Variants in ARHGAP12 observed in about 807,000 individuals in gnomAD.
ARHGAP12 encodes the protein rho GTPase-activating protein 12.
ARHGAP12 carries 64 observed loss-of-function variants against 108.6 expected under a neutral mutation model. The ratio of observed to expected loss-of-function variants is 0.59; its 90% CI spans 0.48 to 0.73. ARHGAP12 has a LOEUF of 0.73. Among genes scored for constraint, ARHGAP12 ranks in the 30% least tolerant of loss-of-function variants. ARHGAP12 has a pLI of 0.00. For missense variants in ARHGAP12, 940 were observed against 1,005.9 expected (o/e 0.93, Z 0.89); for synonymous variants, 312 against 337.2 (o/e 0.93, Z 0.82).
intron 7 of ARHGAP12, among the ~76,000 whole-genome samples, chr10:31,842,471 T>G (rs1381896084): frequency 6.6e-6 from 1 of 152,110 alleles, no homozygotes; most frequent in Admixed American, 6.6e-5. Context: ...TAGAAACTGG[T>G]CTGTTACTTT....
chr10:31,810,976 C>T (rs563774892), intron 15 of ARHGAP12, among the ~76,000 whole-genome samples: 5 of 152,192 alleles, frequency 3.3e-5, no homozygotes, highest in Admixed American at 2.0e-4. Flanking sequence ...TTTGTACTTT[C>T]TACTGCTTTT....
chr10:31,809,432 T>C, intron 16 of ARHGAP12, 125 bp from the exon 17 acceptor site: 1 of 830,240 alleles, frequency 1.2e-6, no homozygotes. Context: ...GGGCAAATAT[T>C]CTTTTTCTCT....
chr10:31,808,645 C>T lies in ARHGAP12; in HGVS notation c.2366+4G>A, dbSNP rs775764085. ...CACATCCCATGACTGGGCAGTCCTC[C>T]TACCTTCTGAGATGTCGGAAAAGAA... On this transcript the variant is annotated splice_donor_region_variant and intron_variant, in intron 19 of 19. Coordinates refer to ENST00000344936, the MANE Select transcript of ARHGAP12 (RefSeq NM_018287.7). 5.6e-6 allele frequency: 9 copies of T among 1,613,184 alleles called. No homozygotes were observed. The highest frequency in any genetic ancestry group is 5.0e-5 in the Admixed American group (3 of 59,980).
intron 9 of ARHGAP12, among the ~76,000 whole-genome samples, chr10:31,838,507 C>A (rs1836114615): frequency 6.6e-6 from 1 of 151,910 alleles, no homozygotes; most frequent in South Asian, 2.1e-4. Flanking sequence ...CAAAGCAAGA[C>A]CCCTTATCTC....
chr10:31,878,615 G>A (rs962363940), intron 3 of ARHGAP12, among the ~76,000 whole-genome samples: 1 of 152,208 alleles, frequency 6.6e-6, no homozygotes, highest in Non-Finnish European at 1.5e-5. Flanking sequence ...ATAGGGATAA[G>A]CAAACTATGG....
chr10:31,896,696 A>C (rs1159524528), intron 3 of ARHGAP12, among the ~76,000 whole-genome samples: 1 of 152,212 alleles, frequency 6.6e-6, no homozygotes, highest in Non-Finnish European at 1.5e-5. Context: ...TCAGTGAGTG[A>C]GTTAGGCAAG....
intron 9 of ARHGAP12, among the ~76,000 whole-genome samples, chr10:31,836,249 T>TA (rs968034821): frequency 5.3e-5 from 8 of 152,172 alleles, no homozygotes; most frequent in Admixed American, 1.3e-4. Flanking sequence ...ATGCATATTC[T>TA]AAAACTTTAC....
At chr10:31,853,434 C>T (rs577065618) in intron 5 of ARHGAP12, among the ~76,000 whole-genome samples, 1 of 152,194 alleles carries the variant, frequency 6.6e-6, no homozygotes, top group African/African-American at 2.4e-5. Flanking sequence ...ATTGCTAATA[C>T]AAACACATGA....
intron 3 of ARHGAP12, among the ~76,000 whole-genome samples, chr10:31,862,705 G>GACACACACAGAC (rs1554781362): frequency 6.0e-5 from 8 of 133,186 alleles, no homozygotes; most frequent in African/African-American, 2.3e-4. Context: ...TGCACACACA[G>GACACACACAGAC]ACACACACAC....
intron 4 of ARHGAP12, among the ~76,000 whole-genome samples, chr10:31,855,121 G>A (rs1259296400): frequency 4.0e-5 from 4 of 98,924 alleles, no homozygotes; most frequent in African/African-American, 1.6e-4. Context: ...GGAGAGGAAG[G>A]GAGGGGGAGA....
chr10:31,879,060 T>C (rs1235663370), intron 3 of ARHGAP12, among the ~76,000 whole-genome samples: 1 of 152,222 alleles, frequency 6.6e-6, no homozygotes, highest in Non-Finnish European at 1.5e-5. Context: ...CACTTTATCA[T>C]TAACAGTGTA....
At chr10:31,916,658 G>A (rs2859755) in intron 1 of ARHGAP12, among the ~76,000 whole-genome samples, 1 of 151,844 alleles carries the variant, frequency 6.6e-6, no homozygotes, top group African/African-American at 2.4e-5. Flanking sequence ...CCTCTGTCAC[G>A]CAGGCTGGAG....
intron 2 of ARHGAP12, among the ~76,000 whole-genome samples, chr10:31,910,017 G>C (rs1839282707): frequency 6.6e-6 from 1 of 152,132 alleles, no homozygotes; most frequent in Non-Finnish European, 1.5e-5. Flanking sequence ...GGAACACCAA[G>C]GACTGCTGGC....
At position 31,839,559 on chromosome 10, in the gene ARHGAP12, C is replaced by T. The variant is rs1836170069; in HGVS notation, c.1371+78G>A. On this transcript the variant is annotated intron_variant, in intron 8 of 19. Transcript: ENST00000344936. Reference sequence around the variant, plus strand: ...TTAATAGAAGCTCATTTAAACATTACATTAAGAGTAAATTAACTTGCTAAA... The same window carrying T: ...TTAATAGAAGCTCATTTAAACATTATATTAAGAGTAAATTAACTTGCTAAA... 2.3e-6 allele frequency: 3 copies of T among 1,326,248 alleles called. No homozygotes were observed. In the African/African-American group the frequency reaches 4.5e-5, roughly 20 times the overall value. The allele number at this position is 1,326,248 out of a possible 1,614,324, so 82.2% of individuals were successfully genotyped here.
chr10:31,843,352 A>G, intron 7 of ARHGAP12, 109 bp downstream of exon 7: 3 of 1,216,784 alleles, frequency 2.5e-6, no homozygotes, highest in South Asian at 3.0e-5. Context: ...AAGAAATCAA[A>G]TGTTTTAGCA....
rs926631461 is a variant in ARHGAP12 at position 31,864,333 on chromosome 10, C to T, written c.685-2675G>A. Among the ~76,000 whole-genome samples the T allele has an allele frequency of 2.6e-5, 4 of 152,022 alleles. No homozygotes were observed. In the East Asian group the frequency reaches 7.7e-4, roughly 29 times the overall value. On this transcript the variant is annotated intron_variant, in intron 3 of 19. Coordinates refer to ENST00000344936, the MANE Select transcript of ARHGAP12 (RefSeq NM_018287.7). ...ATTCATAATAGGAAAAAAACTAACA[C>T]AAATAAGCCTTAAAAGAAATGTATA...
chr10:31,836,967 A>G (rs1352527942), intron 9 of ARHGAP12, among the ~76,000 whole-genome samples: 1 of 152,134 alleles, frequency 6.6e-6, no homozygotes, highest in Non-Finnish European at 1.5e-5. Context: ...GAAACAGAAG[A>G]AACATTGGCG....
In ARHGAP12 at chr10:31,908,667, A is replaced by C; in HGVS notation, c.189T>G (p.Tyr63Ter). ...CCTCCTTCACATACTGGGCTGGCAC[A>C]TAAAACGCTTTGGAGTTTTCATCTG... ...VKPDENSKAF[Y>*]VPAQYVKEVT... Residue 63 changes from tyrosine (Y) to a stop codon, truncating the protein, a stop_gained, in exon 3 of 20, where the codon TAT becomes TAG. Coordinates refer to ENST00000344936, the MANE Select transcript of ARHGAP12 (RefSeq NM_018287.7). LOFTEE classifies it high-confidence loss of function. The C allele has an allele frequency of 6.2e-7, 1 of 1,614,180 alleles. No individual in the cohort carries two copies.
chr10:31,856,109 A>G (rs1836876805), intron 4 of ARHGAP12, among the ~76,000 whole-genome samples: 1 of 152,188 alleles, frequency 6.6e-6, no homozygotes, highest in Non-Finnish European at 1.5e-5. Context: ...CTCCATTTAT[A>G]GAAGAATGGC....
Sources: gnomAD v4.1 joint callset for allele counts (sites outside exome capture counted in the v4.1 genomes callset) on GRCh38, gnomAD v4.1.1 for gene constraint, MANE v1.5 for transcripts, NCBI Gene and HGNC (gene_info 2026-07-23, HGNC 2026-07-21) for gene names.